The following ECE1 variants were observed in gnomAD, a reference collection of about 807,000 sequenced individuals.
ECE1 encodes endothelin converting enzyme 1.
A neutral mutation model predicts 98.6 loss-of-function variants in ECE1; 35 were observed. The observed-to-expected ratio is 0.35, with a 90% CI of 0.27 to 0.47. ECE1 has a LOEUF of 0.47. Ranked by LOEUF, ECE1 falls within the 20% of genes least tolerant of loss-of-function variation. The probability of loss-of-function intolerance (pLI) is 1.00; values close to 1 mark genes in which losing one functional copy is unlikely to be tolerated. For missense variants in ECE1, 814 were observed against 1,025.3 expected, an observed-to-expected ratio of 0.79 and a Z score of 2.81; for synonymous variants, 394 against 407.1, an observed-to-expected ratio of 0.97 and a Z score of 0.39.
intron 2 of ECE1, among the ~76,000 whole-genome samples, chr1:21,286,729 A>C (rs1330641816): frequency 6.6e-6 from 1 of 152,052 alleles, no homozygotes; most frequent in Non-Finnish European, 1.5e-5. Flanking sequence ...GTTCGAGACC[A>C]GCCTGGGCAA....
At chr1:21,297,530 CTTTTTTT>C (rs768958507) in intron 1 of ECE1, among the ~76,000 whole-genome samples, 15 of 116,196 alleles carry the variant, frequency 1.3e-4, no homozygotes, top group East Asian at 2.5e-4. Flanking sequence ...TTTTCTTTTT[CTTTTTTT>C]TTTTTTTTTT....
chr1:21,333,502 G>A (rs1206590435), intron 1 of ECE1, among the ~76,000 whole-genome samples: 2 of 152,202 alleles, frequency 1.3e-5, no homozygotes, highest in African/African-American at 4.8e-5. Context: ...GGGCCAGCAC[G>A]CAGCCATTCT....
intron 2 of ECE1, among the ~76,000 whole-genome samples, chr1:21,283,265 ATTTTTTTTAAAT>A (rs2098256983): frequency 7.9e-6 from 1 of 126,168 alleles, no homozygotes; most frequent in Admixed American, 7.7e-5. Context: ...CTTTTTTTGA[ATTTTTTTTAAAT>A]TTTTTTTTTT....
intron 1 of ECE1, among the ~76,000 whole-genome samples, chr1:21,302,851 T>C (rs1638516218): frequency 6.6e-6 from 1 of 152,186 alleles, no homozygotes; most frequent in Non-Finnish European, 1.5e-5. Context: ...CTTGTCCAGA[T>C]GAATCACCAG....
chr1:21,264,114 G>C (rs893743255), intron 4 of ECE1, among the ~76,000 whole-genome samples: 2 of 152,116 alleles, frequency 1.3e-5, no homozygotes, highest in Non-Finnish European at 2.9e-5. Flanking sequence ...TGACACTGGG[G>C]AACCGCAGCC....
At chr1:21,291,044 A>G (rs139351637), upstream of ECE1, among the ~76,000 whole-genome samples, 51 of 152,194 alleles carry the variant, frequency 3.4e-4, no homozygotes, top group African/African-American at 1.1e-3. Flanking sequence ...CTGCAACACA[A>G]GAGAACCATT....
intron 8 of ECE1, among the ~76,000 whole-genome samples, chr1:21,254,528 C>T (rs3026886): frequency 0.19 from 28,781 of 152,060 alleles, 3,371 homozygotes; most frequent in Non-Finnish European, 0.26. Context: ...TGGGGGGAAC[C>T]TGGTGGCCAT....
intron 1 of ECE1, among the ~76,000 whole-genome samples, chr1:21,344,769 G>C (rs1323909294): frequency 6.6e-6 from 1 of 152,168 alleles, no homozygotes; most frequent in Non-Finnish European, 1.5e-5. Flanking sequence ...CTGGGTGCAG[G>C]GCCCCTGAGT....
At chr1:21,341,185 C>A (rs549662489) in intron 1 of ECE1, among the ~76,000 whole-genome samples, 1 of 152,186 alleles carries the variant, frequency 6.6e-6, no homozygotes, top group African/African-American at 2.4e-5. Context: ...ACAGTAATTG[C>A]GCTTGTAATT....
intron 1 of ECE1, among the ~76,000 whole-genome samples, chr1:21,317,488 G>C (rs996481582): frequency 2.3e-4 from 35 of 152,228 alleles, no homozygotes; most frequent in African/African-American, 8.4e-4. Context: ...GCGACGCTGA[G>C]CTGGTGACGC....
intron 1 of ECE1, among the ~76,000 whole-genome samples, chr1:21,344,464 G>C (rs1034319118): frequency 6.6e-6 from 1 of 152,182 alleles, no homozygotes; most frequent in East Asian, 1.9e-4. Flanking sequence ...AGAAACCAAA[G>C]AGAAGTAGAT....
intron 1 of ECE1, among the ~76,000 whole-genome samples, chr1:21,333,034 T>C (rs1363630479): frequency 6.6e-6 from 1 of 152,142 alleles, no homozygotes; most frequent in Non-Finnish European, 1.5e-5. Context: ...GGGAGGGACT[T>C]ATCCTCACTT....
chr1:21,312,564 C>T (rs1307656450), intron 1 of ECE1, among the ~76,000 whole-genome samples: 1 of 152,194 alleles, frequency 6.6e-6, no homozygotes, highest in East Asian at 1.9e-4. Flanking sequence ...TTACTGTGAG[C>T]TATGATTGCG....
In ECE1 at chr1:21,337,000, G is replaced by A. The variant is rs538868600; in HGVS notation, c.3+8376C>T. On this transcript the variant is annotated intron_variant, in intron 1 of 18. Coordinates refer to the ECE1 transcript ENST00000415912. The stretch of plus-strand genomic sequence containing the variant: ...TGCAGTGAGCCGAGACTGCACCATT[G>A]CACTCCAGCCTGGGCAACAAGAGTG... Among the ~76,000 whole-genome samples, 11 of 152,308 alleles carry A rather than the reference G, an allele frequency of 7.2e-5. No homozygotes were observed. The South Asian group carries it at 2.3e-3, about 32-fold the overall frequency.
chr1:21,275,737 T>C (rs1445393821), intron 3 of ECE1, among the ~76,000 whole-genome samples: 1 of 152,236 alleles, frequency 6.6e-6, no homozygotes. Context: ...AGAAACTTCA[T>C]GAAATATTCC....
At chr1:21,338,570 G>C (rs569105328) in intron 1 of ECE1, among the ~76,000 whole-genome samples, 1 of 152,222 alleles carries the variant, frequency 6.6e-6, no homozygotes, top group Admixed American at 6.5e-5. Context: ...TCCTCTGAAT[G>C]AGAGTATTAT....
chr1:21,345,181 C>A lies in ECE1; in HGVS notation c.3+195G>T, dbSNP rs957178377. 62 of 703,490 alleles carry A rather than the reference C, an allele frequency of 8.8e-5. No homozygotes were observed. Among genetic ancestry groups the A allele is most frequent in the Non-Finnish European group, 1.1e-4 (61 of 539,054 alleles). 43.6% of individuals were successfully genotyped at this position (703,490 alleles called of 1,614,324 possible). The stretch of plus-strand genomic sequence containing the variant: ...CCGCCCCCGACGGGACCAAGCGCAG[C>A]GCCGCCGGGAGAGCCGCGCTCTGCC... On this transcript the variant is annotated intron_variant, in intron 1 of 18. Coordinates refer to the ECE1 transcript ENST00000415912. This position sits in a 1 kb window ranked among gnomAD's most constrained non-coding sequence, Gnocchi z 5.1.
chr1:21,227,334 C>T (rs1036707552), intron 15 of ECE1, 108 bp from the exon 16 acceptor site: 15 of 1,117,322 alleles, frequency 1.3e-5, no homozygotes, highest in Non-Finnish European at 2.0e-5. Context: ...TAGCAAAATT[C>T]CACAGGGCTC....
rs138610036 is a variant in ECE1, at chr1:21,219,725, G to C, written c.*230C>G. 1.0e-5 allele frequency: 6 copies of C among 589,546 alleles called. No individual in the cohort carries two copies. Among genetic ancestry groups the C allele is most frequent in the African/African-American group, 9.2e-5 (5 of 54,248 alleles). The allele number at this position is 589,546 out of a possible 1,614,324, so 36.5% of individuals were successfully genotyped here. A position where few individuals can be genotyped will look rare whatever the true frequency, so the allele number is the denominator to read the frequency against. On this transcript the variant is annotated 3_prime_UTR_variant, in exon 19 of 19. Transcript: ENST00000374893. The surrounding 1 kb of genome is among the most constrained non-coding windows in gnomAD (Gnocchi z 4.5). Reference sequence around the variant, plus strand: ...CCACCAGCCCAGCACCCGAATGCCTGCTGAAGGTGGCGCACACGTGTGCCT... The same window carrying C: ...CCACCAGCCCAGCACCCGAATGCCTCCTGAAGGTGGCGCACACGTGTGCCT...
Sources: gnomAD v4.1 joint callset for allele counts (sites outside exome capture counted in the v4.1 genomes callset) on GRCh38, gnomAD v4.1.1 for gene constraint, Gnocchi (gnomAD v3.1) non-coding constraint, MANE v1.5 for transcripts, NCBI Gene and HGNC (gene_info 2026-07-23, HGNC 2026-07-21) for gene names.